MIPOL1: variants seen among roughly 807,000 people sequenced by gnomAD.
The protein encoded by MIPOL1 is mirror-image polydactyly gene 1 protein.
In MIPOL1, 57 loss-of-function variants were observed where a neutral mutation model predicts 60.9. The ratio of observed to expected loss-of-function variants is 0.94; its 90% CI spans 0.76 to 1.17. MIPOL1 has a LOEUF of 1.17. Ranked by LOEUF, MIPOL1 falls within the 50% of genes most tolerant of loss-of-function variation. The pLI is 0.00. For synonymous variants in MIPOL1, 179 were observed against 168.8 expected, an observed-to-expected ratio of 1.06 and a Z score of -0.47; for missense variants, 551 against 511.6, an observed-to-expected ratio of 1.08 and a Z score of -0.74.
chr14:37,502,806 G>A (rs532493350), intron 12 of MIPOL1: 5 of 152,156 alleles, frequency 3.3e-5, no homozygotes, highest in South Asian at 4.2e-4. Flanking sequence ...TCAGAAGGTC[G>A]GTAATAACAA....
intron 9 of MIPOL1, among the ~76,000 whole-genome samples, chr14:37,354,072 C>G (rs2153475879): frequency 6.7e-6 from 1 of 150,350 alleles, no homozygotes; most frequent in Admixed American, 6.6e-5. Context: ...CTACACACTG[C>G]TTTGAATGTG....
At chr14:37,307,892 A>G (rs534217379) in intron 7 of MIPOL1, among the ~76,000 whole-genome samples, 164 bp from the exon 8 acceptor site, 1 of 152,194 alleles carries the variant, frequency 6.6e-6, no homozygotes, top group South Asian at 2.1e-4. Context: ...CATTATTGAA[A>G]GATGGAGTCG....
At chr14:37,376,410 G>T (rs2092778087) in intron 10 of MIPOL1, among the ~76,000 whole-genome samples, 1 of 152,054 alleles carries the variant, frequency 6.6e-6, no homozygotes, top group Admixed American at 6.6e-5. Context: ...TGGAATTATA[G>T]AATATGTGGC....
chr14:37,395,252 A>G (rs779847819), intron 10 of MIPOL1, among the ~76,000 whole-genome samples: 3 of 152,044 alleles, frequency 2.0e-5, no homozygotes, highest in Non-Finnish European at 4.4e-5. Context: ...GTTCCATGTG[A>G]ATTTTAGAAT....
chr14:37,283,143 G>A (rs2084266870), intron 6 of MIPOL1, among the ~76,000 whole-genome samples: 1 of 152,036 alleles, frequency 6.6e-6, no homozygotes, highest in African/African-American at 2.4e-5. Context: ...TCTACTCACT[G>A]CAACCTCCAC....
intron 6 of MIPOL1, among the ~76,000 whole-genome samples, chr14:37,274,759 GAT>G (rs2083526785): frequency 6.6e-6 from 1 of 151,222 alleles, no homozygotes; most frequent in Admixed American, 6.6e-5. Flanking sequence ...GCTTAAGTGA[GAT>G]AATGTTTACG....
At chr14:37,473,609 C>T (rs75199677) in intron 11 of MIPOL1, among the ~76,000 whole-genome samples, 3,222 of 152,204 alleles carry the variant, frequency 0.021, 99 homozygotes, top group African/African-American at 0.072. Context: ...TTTAGACTCA[C>T]GGCACAATTA....
chr14:37,320,446 ATCT>A (rs2088451639), intron 9 of MIPOL1, among the ~76,000 whole-genome samples: 1 of 151,838 alleles, frequency 6.6e-6, no homozygotes, highest in East Asian at 1.9e-4. Flanking sequence ...CCATTTTGAT[ATCT>A]TCTTTTGTGA....
At chr14:37,218,545 T>G (rs1407322661) in intron 1 of MIPOL1, among the ~76,000 whole-genome samples, 1 of 152,112 alleles carries the variant, frequency 6.6e-6, no homozygotes, top group Admixed American at 6.6e-5. Flanking sequence ...TAGGGTCTAT[T>G]TTGGTAAATG....
At chr14:37,265,343 T>G (rs1203632238) in intron 3 of MIPOL1, 1 of 152,168 alleles carries the variant, frequency 6.6e-6, no homozygotes, top group East Asian at 1.9e-4. Flanking sequence ...AGCATAGTCC[T>G]TATTATACTG....
intron 1 of MIPOL1, among the ~76,000 whole-genome samples, chr14:37,231,693 C>T (rs774544747): frequency 6.6e-6 from 1 of 152,028 alleles, no homozygotes; most frequent in Non-Finnish European, 1.5e-5. Context: ...AAAGCATTCT[C>T]TCTAGGAAAA....
chr14:37,333,580 T>C (rs2089897608), intron 9 of MIPOL1, among the ~76,000 whole-genome samples: 1 of 152,054 alleles, frequency 6.6e-6, no homozygotes. Context: ...GCTATAAATA[T>C]AAGAAAGTTG....
In MIPOL1 at chr14:37,307,956, G is replaced by A. The variant is rs2086927000; in HGVS notation, c.624-100G>A. ...TCATGGTTGACTCTAAAGACTAGTC[G>A]AATGAAATTACTTGAGGTTCTAAAG... On this transcript the variant is annotated intron_variant, in intron 7 of 12. Transcript: ENST00000684589. 9 of 938,630 alleles carry A rather than the reference G, an allele frequency of 9.6e-6. No homozygotes were observed. The Admixed American group carries it at 1.3e-4, about 13-fold the overall frequency. 58.1% of individuals were successfully genotyped at this position (938,630 alleles called of 1,614,324 possible).
Position 37,379,755 on chromosome 14 carries a change from T to C in MIPOL1, c.936+10131T>C, listed in dbSNP as rs565148899. 2.6e-5 allele frequency among the ~76,000 whole-genome samples: 4 copies of C among 152,220 alleles called. No homozygotes were observed. In the South Asian group the frequency reaches 6.2e-4, roughly 24 times the overall value. On this transcript the variant is annotated intron_variant, in intron 10 of 12. Coordinates refer to ENST00000684589, the MANE Select transcript of MIPOL1 (RefSeq NM_001388067.1). Reference sequence around the variant, plus strand: ...CTCTTGTAAATGGAAAGTTTAAAAGTAGAAAAATGTAAATTTTTTTTGAGG... The same window carrying C: ...CTCTTGTAAATGGAAAGTTTAAAAGCAGAAAAATGTAAATTTTTTTTGAGG...
intron 7 of MIPOL1, among the ~76,000 whole-genome samples, chr14:37,297,718 G>A (rs2085898458): frequency 6.6e-6 from 1 of 151,910 alleles, no homozygotes; most frequent in Non-Finnish European, 1.5e-5. Flanking sequence ...GCTTCAAAGA[G>A]AATAAAATAC....
intron 1 of MIPOL1, among the ~76,000 whole-genome samples, chr14:37,229,925 G>A (rs1970353126): frequency 6.6e-6 from 1 of 152,136 alleles, no homozygotes; most frequent in Non-Finnish European, 1.5e-5. Context: ...GGGGATGGGA[G>A]TGATTGGGGA....
intron 1 of MIPOL1, among the ~76,000 whole-genome samples, chr14:37,199,652 G>C (rs1465856952): frequency 6.6e-6 from 1 of 152,000 alleles, no homozygotes; most frequent in Non-Finnish European, 1.5e-5. Context: ...AGCCTCCCGA[G>C]TAGCTGGGAC....
At chr14:37,520,540 TTTC>T (rs1160414745) in intron 12 of MIPOL1, among the ~76,000 whole-genome samples, 1 of 152,168 alleles carries the variant, frequency 6.6e-6, no homozygotes, top group Non-Finnish European at 1.5e-5. Flanking sequence ...AATTGAAACT[TTTC>T]TGGGTTTAAA....
chr14:37,294,100 C>G (rs2085375086), intron 7 of MIPOL1, among the ~76,000 whole-genome samples: 1 of 152,164 alleles, frequency 6.6e-6, no homozygotes, highest in South Asian at 2.1e-4. Flanking sequence ...GGGAACTCCT[C>G]TGAGACAAAA....
Sources: gnomAD v4.1 joint callset for allele counts (sites outside exome capture counted in the v4.1 genomes callset) on GRCh38, gnomAD v4.1.1 for gene constraint, MANE v1.5 for transcripts, NCBI Gene and HGNC (gene_info 2026-07-23, HGNC 2026-07-21) for gene names.